Variants in PARD3B observed in about 807,000 individuals in gnomAD.
PARD3B encodes partitioning defective 3 homolog B.
A neutral mutation model predicts 130.2 loss-of-function variants in PARD3B; 103 were observed. That is an observed-to-expected ratio of 0.79 (90% CI 0.67 to 0.93). The LOEUF is 0.93. Among genes scored for constraint, PARD3B ranks in the 40% least tolerant of loss-of-function variants. The pLI, the probability that PARD3B is intolerant of heterozygous loss-of-function variation, is 0.00. For missense variants in PARD3B, 1,609 were observed against 1,499.2 expected (o/e 1.07, Z -1.21); for synonymous variants, 583 against 553.2 (o/e 1.05, Z -0.76).
At chr2:204,567,547 C>G (rs200819742) in intron 1 of PARD3B, among the ~76,000 whole-genome samples, 1 of 152,182 alleles carries the variant, frequency 6.6e-6, no homozygotes, top group East Asian at 1.9e-4. Context: ...TCAGAATTTC[C>G]TTCCTTATCA....
intron 3 of PARD3B, among the ~76,000 whole-genome samples, chr2:205,014,893 G>T (rs577859516): frequency 6.6e-6 from 1 of 152,268 alleles, no homozygotes; most frequent in South Asian, 2.1e-4. Context: ...ACTGTCATAG[G>T]CCTGTACTGT....
At chr2:205,157,776 A>G (rs560650460) in intron 10 of PARD3B, among the ~76,000 whole-genome samples, 3 of 152,308 alleles carry the variant, frequency 2.0e-5, no homozygotes, top group South Asian at 2.1e-4. Context: ...TCAGTTGAAC[A>G]CTGTGGCAGT....
intron 21 of PARD3B, among the ~76,000 whole-genome samples, chr2:205,515,402 T>C (rs1222397333): frequency 6.6e-6 from 1 of 152,202 alleles, no homozygotes; most frequent in African/African-American, 2.4e-5. Context: ...TGCTTTTAGC[T>C]TCTTGAGAAA....
intron 22 of PARD3B, among the ~76,000 whole-genome samples, chr2:205,566,839 C>T (rs1208294139): frequency 1.3e-5 from 2 of 152,230 alleles, no homozygotes; most frequent in Non-Finnish European, 2.9e-5. Context: ...GGGCATCCTT[C>T]TGTGGCTGTG....
chr2:204,836,219 G>A (rs1575101770), intron 2 of PARD3B, among the ~76,000 whole-genome samples: 1 of 152,192 alleles, frequency 6.6e-6, no homozygotes, highest in Admixed American at 6.5e-5. Flanking sequence ...GATATAACTT[G>A]TGGATTCATT....
At chr2:204,962,781 C>T (rs775459041) in intron 2 of PARD3B, among the ~76,000 whole-genome samples, 1 of 152,124 alleles carries the variant, frequency 6.6e-6, no homozygotes, top group East Asian at 1.9e-4. Context: ...AGCAAGCAAC[C>T]ATGGGAGCCA....
intron 2 of PARD3B, among the ~76,000 whole-genome samples, chr2:204,795,554 T>G (rs769169666): frequency 2.6e-5 from 4 of 152,150 alleles, no homozygotes; most frequent in African/African-American, 4.8e-5. Flanking sequence ...GTCACCATAG[T>G]TTATGAATTT....
At chr2:205,348,977 G>A (rs551121936) in intron 18 of PARD3B, among the ~76,000 whole-genome samples, 1 of 152,218 alleles carries the variant, frequency 6.6e-6, no homozygotes, top group South Asian at 2.1e-4. Flanking sequence ...AATATGTATG[G>A]TGATAGAGTG....
At chr2:204,836,921 T>C (rs1303505440) in intron 2 of PARD3B, among the ~76,000 whole-genome samples, 1 of 151,996 alleles carries the variant, frequency 6.6e-6, no homozygotes, top group Non-Finnish European at 1.5e-5. Context: ...TAAAAATGAG[T>C]TTTTACATGC....
At chr2:205,203,526 C>T (rs973548120) in intron 15 of PARD3B, among the ~76,000 whole-genome samples, 1 of 151,988 alleles carries the variant, frequency 6.6e-6, no homozygotes, top group Non-Finnish European at 1.5e-5. Flanking sequence ...AATAGGCACA[C>T]ACGTGCCATG....
intron 4 of PARD3B, among the ~76,000 whole-genome samples, chr2:205,082,338 A>G (rs923246394): frequency 2.6e-5 from 4 of 152,184 alleles, no homozygotes; most frequent in Non-Finnish European, 5.9e-5. Context: ...ACCTATGATA[A>G]AGCATAATTT....
intron 3 of PARD3B, among the ~76,000 whole-genome samples, chr2:205,043,813 A>G (rs1303601466): frequency 2.5e-4 from 38 of 151,502 alleles, no homozygotes; most frequent in Admixed American, 2.5e-3. Context: ...TTTTTTATTT[A>G]TTATTATTAT....
chr2:205,460,081 A>G lies in PARD3B; in HGVS notation c.3044+19409A>G, dbSNP rs2048399419. Among the ~76,000 whole-genome samples, 2 of 152,140 alleles carry G rather than the reference A, an allele frequency of 1.3e-5. No individual in the cohort carries two copies. Among genetic ancestry groups the G allele is most frequent in the Non-Finnish European group, 2.9e-5 (2 of 68,022 alleles). The stretch of plus-strand genomic sequence containing the variant: ...AACATTACAGTACCAGAAGACTTGG[A>G]TGTGCTTAATTCCAGTTTAGAATCT... On this transcript the variant is annotated intron_variant, in intron 20 of 22. Transcript: ENST00000406610. The surrounding 1 kb of genome is among the most constrained non-coding windows in gnomAD (Gnocchi z 4.9).
intron 20 of PARD3B, among the ~76,000 whole-genome samples, chr2:205,478,205 T>G (rs1184158709): frequency 6.6e-6 from 1 of 152,116 alleles, no homozygotes; most frequent in Non-Finnish European, 1.5e-5. Flanking sequence ...TGAAGTAAAC[T>G]GAGGCTGAAT....
intron 18 of PARD3B, among the ~76,000 whole-genome samples, chr2:205,398,042 T>A (rs1487936222): frequency 6.6e-6 from 1 of 152,200 alleles, no homozygotes; most frequent in Non-Finnish European, 1.5e-5. Flanking sequence ...CTCACACCTG[T>A]AATCCCAACA....
intron 18 of PARD3B, among the ~76,000 whole-genome samples, chr2:205,381,078 TTATA>T (rs2045409095): frequency 3.8e-5 from 1 of 26,008 alleles, no homozygotes; most frequent in Non-Finnish European, 7.2e-5. Flanking sequence ...ATTATATATA[TTATA>T]TATAAAGAAT....
At position 205,106,529 on chromosome 2, in the gene PARD3B, G is replaced by GTGTGTA. The variant is rs1221420507; in HGVS notation, c.593+2016_593+2017insGTGTAT. 2.0e-4 allele frequency among the ~76,000 whole-genome samples: 30 copies of GTGTGTA among 150,666 alleles called. No homozygotes were observed. The South Asian group carries it at 2.3e-3, about 12-fold the overall frequency. ...TGTGTGTGTGTGTGTGTGTGTGTGT[G>GTGTGTA]TATATTTGATTATCAAAACGGGCTT... On this transcript the variant is annotated intron_variant, in intron 5 of 22. Coordinates refer to ENST00000406610, the MANE Select transcript of PARD3B (RefSeq NM_001302769.2).
intron 3 of PARD3B, among the ~76,000 whole-genome samples, chr2:205,004,716 T>C (rs975704799): frequency 6.6e-6 from 1 of 152,238 alleles, no homozygotes; most frequent in Admixed American, 6.5e-5. Flanking sequence ...ATTGCATTTC[T>C]CTTTATTATC....
intron 22 of PARD3B, among the ~76,000 whole-genome samples, chr2:205,602,065 A>C (rs1224747731): frequency 6.6e-6 from 1 of 152,112 alleles, no homozygotes; most frequent in Non-Finnish European, 1.5e-5. Context: ...TACTTAGTTT[A>C]TTGAGAGTTT....
Sources: gnomAD v4.1 joint callset for allele counts (sites outside exome capture counted in the v4.1 genomes callset) on GRCh38, gnomAD v4.1.1 for gene constraint, Gnocchi (gnomAD v3.1) non-coding constraint, MANE v1.5 for transcripts, NCBI Gene and HGNC (gene_info 2026-07-23, HGNC 2026-07-21) for gene names.